Variants in RNGTT observed in about 807,000 individuals in gnomAD.
RNGTT encodes RNA guanylyltransferase and 5'-phosphatase.
In RNGTT, 33 loss-of-function variants were observed where a neutral mutation model predicts 79.3. The ratio of observed to expected loss-of-function variants is 0.42; its 90% CI spans 0.32 to 0.56. The LOEUF is 0.56. RNGTT is among the 20% of genes least tolerant of loss of function. The pLI is 0.17. For synonymous variants in RNGTT, 222 were observed against 235.9 expected (o/e 0.94, Z 0.54); for missense variants, 497 against 739.1 (o/e 0.67, Z 3.80).
intron 1 of RNGTT, among the ~76,000 whole-genome samples, chr6:88,950,862 T>C (rs199848391): frequency 7.7e-5 from 5 of 64,690 alleles, no homozygotes; most frequent in Non-Finnish European, 1.3e-4. Flanking sequence ...CTGTTTTTGG[T>C]TTTTTTTTTT....
At chr6:88,955,566 A>C (rs969398896) in intron 1 of RNGTT, among the ~76,000 whole-genome samples, 10 of 150,706 alleles carry the variant, frequency 6.6e-5, no homozygotes, top group African/African-American at 2.4e-4. Context: ...AAAAAAAAAA[A>C]CCCACACCAA....
intron 8 of RNGTT, among the ~76,000 whole-genome samples, chr6:88,874,607 GAAT>G (rs1471190118): frequency 1.3e-5 from 2 of 151,170 alleles, no homozygotes; most frequent in Non-Finnish European, 3.0e-5. Flanking sequence ...CACACATAAT[GAAT>G]AAGAGTATGT....
At chr6:88,777,207 T>C (rs1778918100) in intron 12 of RNGTT, among the ~76,000 whole-genome samples, 1 of 152,200 alleles carries the variant, frequency 6.6e-6, no homozygotes, top group South Asian at 2.1e-4. Context: ...GGTCTATGTG[T>C]ATGTTTCTAT....
At position 88,801,545 on chromosome 6, in the gene RNGTT, C is replaced by T. The variant is rs759955194; in HGVS notation, c.1338+19G>A. On this transcript the variant is annotated intron_variant, in intron 12 of 15. Transcript: ENST00000369485. ...ACAAACACACAAACGAACACACACACACAGACAAATGAACTTACTCCAGTA... is the reference window on the plus strand; with the variant it reads ...ACAAACACACAAACGAACACACACATACAGACAAATGAACTTACTCCAGTA... 1.9e-5 allele frequency: 30 copies of T among 1,601,118 alleles called. No homozygotes were observed. Among genetic ancestry groups the T allele is most frequent in the Non-Finnish European group, 2.4e-5 (28 of 1,169,216 alleles).
At chr6:88,805,575 A>C (rs1779927308) in intron 11 of RNGTT, among the ~76,000 whole-genome samples, 1 of 152,212 alleles carries the variant, frequency 6.6e-6, no homozygotes, top group Non-Finnish European at 1.5e-5. Flanking sequence ...AAAAGCAGAA[A>C]GACTTGGTCC....
chr6:88,632,536 G>GACACACACAC (rs1300944817), intron 14 of RNGTT, among the ~76,000 whole-genome samples: 18 of 98,378 alleles, frequency 1.8e-4, no homozygotes, highest in African/African-American at 5.7e-4. Flanking sequence ...CAGACACACA[G>GACACACACAC]ACACACAGAC....
At chr6:88,823,494 T>C (rs1341913564) in intron 11 of RNGTT, among the ~76,000 whole-genome samples, 4 of 149,508 alleles carry the variant, frequency 2.7e-5, no homozygotes, top group African/African-American at 9.8e-5. Flanking sequence ...AATTACAAAG[T>C]GGGAGAATAT....
intron 8 of RNGTT, among the ~76,000 whole-genome samples, chr6:88,885,976 T>C (rs575796289): frequency 9.2e-5 from 14 of 152,308 alleles, no homozygotes; most frequent in Middle Eastern, 3.4e-3. Context: ...GCCAATGCTA[T>C]TCAAAAGTGT....
chr6:88,847,341 T>C (rs755467892), intron 10 of RNGTT, among the ~76,000 whole-genome samples: 13 of 152,046 alleles, frequency 8.6e-5, no homozygotes. Flanking sequence ...AGATGATCGA[T>C]GCTGAGAGTC....
At chr6:88,767,019 TAAAGACTGCTATAA>T (rs1778484561) in intron 13 of RNGTT, among the ~76,000 whole-genome samples, 1 of 152,138 alleles carries the variant, frequency 6.6e-6, no homozygotes, top group Non-Finnish European at 1.5e-5. Context: ...ATTTATTCAG[TAAAGACTGCTATAA>T]TGCACAACAT....
intron 6 of RNGTT, among the ~76,000 whole-genome samples, chr6:88,903,846 T>C (rs1050815701): frequency 1.3e-5 from 2 of 152,218 alleles, no homozygotes; most frequent in African/African-American, 2.4e-5. Context: ...ATCATATACT[T>C]GTGTGTGTAC....
rs535102968 is a variant in RNGTT, at chr6:88,759,682, C to T, written c.1439+10092G>A. 7.2e-5 allele frequency among the ~76,000 whole-genome samples: 11 copies of T among 152,280 alleles called. No homozygotes were observed. In the South Asian group the frequency reaches 2.1e-3, roughly 29 times the overall value. On this transcript the variant is annotated intron_variant, in intron 13 of 15. Transcript: ENST00000369485. ...CACTGAGAACCCTGACTCCCAACAT[C>T]AGTACCCATTTGCTCAATCCTACAA...
chr6:88,904,664 G>T, intron 6 of RNGTT, 51 bp downstream of exon 6: 1 of 1,508,382 alleles, frequency 6.6e-7, no homozygotes. Context: ...ATCTCAATAA[G>T]CTTGCAGAAA....
chr6:88,941,194 A>G lies in RNGTT; in HGVS notation c.65-14T>C. On this transcript the variant is annotated splice_polypyrimidine_tract_variant and intron_variant, in intron 1 of 15. Coordinates refer to ENST00000369485, the MANE Select transcript of RNGTT (RefSeq NM_003800.5). Reference sequence around the variant, plus strand: ...GTAAGAATCTTCCTAAACAACACAGATAGGTAATCATTTCCATAAAAGGAA... The same window carrying G: ...GTAAGAATCTTCCTAAACAACACAGGTAGGTAATCATTTCCATAAAAGGAA... 1 of 1,376,902 alleles carries G rather than the reference A, an allele frequency of 7.3e-7. No individual in the cohort carries two copies. Among genetic ancestry groups the G allele is most frequent in the South Asian group, 1.2e-5 (1 of 81,512 alleles). 85.3% of individuals were successfully genotyped at this position (1,376,902 alleles called of 1,614,324 possible). A position where few individuals can be genotyped will look rare whatever the true frequency, so the allele number is the denominator to read the frequency against.
chr6:88,778,649 C>T (rs1778968319), intron 12 of RNGTT, among the ~76,000 whole-genome samples: 1 of 151,914 alleles, frequency 6.6e-6, no homozygotes, highest in Non-Finnish European at 1.5e-5. Context: ...ATCCATTGCA[C>T]CCAGCTCAAA....
At chr6:88,755,553 A>T (rs999373978) in intron 13 of RNGTT, among the ~76,000 whole-genome samples, 16 of 152,154 alleles carry the variant, frequency 1.1e-4, no homozygotes, top group African/African-American at 3.6e-4. Flanking sequence ...TTCCAATAAA[A>T]GCTAGGGGGG....
chr6:88,858,628 T>C (rs541825783), intron 8 of RNGTT, among the ~76,000 whole-genome samples: 5 of 152,354 alleles, frequency 3.3e-5, no homozygotes, highest in Non-Finnish European at 7.3e-5. Context: ...GTCAGTAAAA[T>C]TATTATCCCC....
intron 12 of RNGTT, among the ~76,000 whole-genome samples, chr6:88,771,315 GTATATATATATATATA>G (rs539282627): frequency 3.9e-4 from 24 of 62,076 alleles, no homozygotes; most frequent in Middle Eastern, 0.012. Context: ...GTGTGTGTGT[GTATATATATATATATA>G]TATATATATA....
chr6:88,713,742 T>A (rs1370594173), intron 13 of RNGTT, among the ~76,000 whole-genome samples: 1 of 152,230 alleles, frequency 6.6e-6, no homozygotes, highest in African/African-American at 2.4e-5. Flanking sequence ...AATATTTTTT[T>A]AAAATTATTG....
Sources: gnomAD v4.1 joint callset for allele counts (sites outside exome capture counted in the v4.1 genomes callset) on GRCh38, gnomAD v4.1.1 for gene constraint, MANE v1.5 for transcripts, NCBI Gene and HGNC (gene_info 2026-07-23, HGNC 2026-07-21) for gene names.